KDM3B: variants seen among roughly 807,000 people sequenced by gnomAD.
The protein encoded by KDM3B is lysine demethylase 3B.
KDM3B carries 10 observed loss-of-function variants against 170.0 expected under a neutral mutation model. The observed-to-expected ratio is 0.06, with a 90% CI of 0.04 to 0.10. The LOEUF is 0.10. Ranked by LOEUF, KDM3B falls within the 10% of genes least tolerant of loss-of-function variation. The pLI is 1.00. For missense variants in KDM3B, 1,394 were observed against 2,195.2 expected (o/e 0.64, Z 7.29); for synonymous variants, 831 against 834.8 (o/e 1.00, Z 0.08).
intron 11 of KDM3B, among the ~76,000 whole-genome samples, chr5:138,414,407 C>T (rs1018304220): frequency 1.3e-5 from 2 of 151,928 alleles, no homozygotes; most frequent in Admixed American, 6.6e-5. Flanking sequence ...CGTCATGATC[C>T]GCCCGCCTCG....
At chr5:138,422,417 A>C (rs1763294272) in intron 15 of KDM3B, among the ~76,000 whole-genome samples, 1 of 152,188 alleles carries the variant, frequency 6.6e-6, no homozygotes, top group South Asian at 2.1e-4. Context: ...CGGACAGATC[A>C]CTTGAGGTCA....
intron 7 of KDM3B, 101 bp from the exon 8 acceptor site, chr5:138,390,912 C>A: frequency 8.9e-7 from 1 of 1,121,880 alleles, no homozygotes; most frequent in Non-Finnish European, 1.3e-6. Flanking sequence ...AGTTGATGGA[C>A]CCCCAAGAAA....
chr5:138,377,834 G>T lies in KDM3B; in HGVS notation c.580+9G>T. 2 of 1,590,918 alleles carry T rather than the reference G, an allele frequency of 1.3e-6. No individual in the cohort carries two copies. The highest frequency in any genetic ancestry group is 1.7e-6 in the Non-Finnish European group (2 of 1,159,244). Reference sequence around the variant, plus strand: ...AGAGATATTCAGCCGAGGTAAGAACGGATAGTCTTCTGTCCCTGAACTCTG... The same window carrying T: ...AGAGATATTCAGCCGAGGTAAGAACTGATAGTCTTCTGTCCCTGAACTCTG... On this transcript the variant is annotated intron_variant, in intron 4 of 23. Transcript: ENST00000314358.
chr5:138,387,626 G>T (rs1762303280), intron 7 of KDM3B, among the ~76,000 whole-genome samples: 1 of 152,142 alleles, frequency 6.6e-6, no homozygotes, highest in Admixed American at 6.6e-5. Flanking sequence ...GGATAGGGAG[G>T]GAGAGGAAAT....
intron 11 of KDM3B, among the ~76,000 whole-genome samples, chr5:138,413,838 A>C (rs1467507714): frequency 6.6e-6 from 1 of 151,816 alleles, no homozygotes; most frequent in African/African-American, 2.4e-5. Context: ...GGCTGGTCTC[A>C]AGCTCCTGGG....
intron 7 of KDM3B, among the ~76,000 whole-genome samples, chr5:138,389,306 G>A (rs1174507646): frequency 6.6e-6 from 1 of 152,212 alleles, no homozygotes; most frequent in Non-Finnish European, 1.5e-5. Flanking sequence ...TGGCCTGCTT[G>A]ATTCGTACGT....
chr5:138,372,346 C>T (rs751175190), intron 1 of KDM3B, among the ~76,000 whole-genome samples: 6 of 152,010 alleles, frequency 3.9e-5, no homozygotes, highest in Non-Finnish European at 8.8e-5. Flanking sequence ...AGTATAGTAC[C>T]TTATATATGG....
intron 11 of KDM3B, among the ~76,000 whole-genome samples, chr5:138,411,891 A>G (rs945294467): frequency 5.4e-4 from 81 of 150,624 alleles, no homozygotes; most frequent in Admixed American, 1.3e-3. Context: ...TAGTAGAGAA[A>G]GGATTTCACC....
At chr5:138,376,159 G>A (rs549514268) in intron 3 of KDM3B, among the ~76,000 whole-genome samples, 1 of 151,878 alleles carries the variant, frequency 6.6e-6, no homozygotes, top group South Asian at 2.1e-4. Flanking sequence ...TGTAGTCTTA[G>A]TAGAGACGGG....
In KDM3B at chr5:138,434,543, A is replaced by T. The variant is rs865996101; in HGVS notation, c.5206-1077A>T. On this transcript the variant is annotated intron_variant, in intron 23 of 23. Transcript: ENST00000314358. ...AGCGTGGGCAACAGTGTTAGACTCC[A>T]TCTCAAAAAAAAAAAAAAAAGACCT... 2.7e-5 allele frequency among the ~76,000 whole-genome samples: 4 copies of T among 149,434 alleles called. No homozygotes were observed. The Middle Eastern group carries it at 0.014, about 515-fold the overall frequency.
At chr5:138,428,369 G>A (rs547809761) in intron 20 of KDM3B, among the ~76,000 whole-genome samples, 118 of 151,772 alleles carry the variant, frequency 7.8e-4, no homozygotes, top group Non-Finnish European at 1.3e-3. Context: ...CTGCCACCAC[G>A]CCCGGCTAAT....
At chr5:138,396,061 A>G (rs949414575) in intron 9 of KDM3B, among the ~76,000 whole-genome samples, 2 of 152,278 alleles carry the variant, frequency 1.3e-5, no homozygotes, top group East Asian at 3.9e-4. Context: ...ATTGTAGGGA[A>G]GAAAATAAAA....
Position 138,391,696 on chromosome 5 carries a change from G to A in KDM3B, c.2064G>A (p.Lys688=), listed in dbSNP as rs2126951056. 6.2e-7 allele frequency: 1 copy of A among 1,614,030 alleles called. No individual in the cohort carries two copies. The highest frequency in any genetic ancestry group is 8.5e-7 in the Non-Finnish European group (1 of 1,180,028). Residue 688 remains lysine, a synonymous_variant, in exon 8 of 24, where the codon AAG becomes AAA. Coordinates refer to ENST00000314358, the MANE Select transcript of KDM3B (RefSeq NM_016604.4). The surrounding 1 kb of genome is among the most constrained non-coding windows in gnomAD (Gnocchi z 5.0). The part of the protein sequence containing the change: ...HSSADSASLA[K]KKPLFITTDS... ...CTGCAGATTCGGCATCTTTAGCAAA[G>A]AAGAAACCCCTCTTCATTACAACTG...
chr5:138,398,499 A>C, intron 10 of KDM3B, 107 bp downstream of exon 10: 1 of 907,226 alleles, frequency 1.1e-6, no homozygotes, highest in Non-Finnish European at 1.7e-6. Context: ...TTTTCTGTGA[A>C]TGAATTAAGA....
At chr5:138,369,880 G>C (rs1400526402) in intron 1 of KDM3B, among the ~76,000 whole-genome samples, 1 of 152,162 alleles carries the variant, frequency 6.6e-6, no homozygotes, top group African/African-American at 2.4e-5. Context: ...AGAAAGATGT[G>C]TCATATCACA....
intron 22 of KDM3B, among the ~76,000 whole-genome samples, chr5:138,431,151 T>C (rs1329039576): frequency 6.6e-6 from 1 of 152,080 alleles, no homozygotes; most frequent in Non-Finnish European, 1.5e-5. Flanking sequence ...TTTCGCCATA[T>C]CACCGTATCA....
chr5:138,430,846 C>T (rs1036545872), intron 22 of KDM3B, among the ~76,000 whole-genome samples: 3 of 151,968 alleles, frequency 2.0e-5, no homozygotes, highest in Admixed American at 6.6e-5. Context: ...GCCAAGATCG[C>T]ACCATTGCAC....
At chr5:138,361,932 T>C (rs1761619653) in intron 1 of KDM3B, among the ~76,000 whole-genome samples, 2 of 152,220 alleles carry the variant, frequency 1.3e-5, no homozygotes, top group African/African-American at 4.8e-5. Context: ...CCCCAAAATA[T>C]GCTGCATTGG....
In KDM3B at chr5:138,377,716, C is replaced by A; in HGVS notation, c.475-4C>A. The A allele has an allele frequency of 1.3e-6, 2 of 1,599,950 alleles. No homozygotes were observed. The highest frequency in any genetic ancestry group is 1.7e-6 in the Non-Finnish European group (2 of 1,167,712). On this transcript the variant is annotated splice_region_variant and splice_polypyrimidine_tract_variant and intron_variant, in intron 3 of 23. Coordinates refer to ENST00000314358, the MANE Select transcript of KDM3B (RefSeq NM_016604.4). ...CAGTTGTTTTCTTCTTTTATCTTTA[C>A]CAGATGGGAACAGATAGCCAAAACC...
Sources: allele counts gnomAD v4.1 joint callset (sites outside exome capture counted in the v4.1 genomes callset), GRCh38; gene constraint gnomAD v4.1.1; non-coding constraint Gnocchi (gnomAD v3.1); transcripts MANE v1.5; gene names NCBI Gene and HGNC (gene_info 2026-07-23, HGNC 2026-07-21).